The following CADM1 variants were observed in gnomAD, a reference collection of about 807,000 sequenced individuals.
CADM1 encodes cell adhesion molecule 1, also known as TSLC-1.
In CADM1, 15 loss-of-function variants were observed where a neutral mutation model predicts 53.1. The ratio of observed to expected loss-of-function variants is 0.28; its 90% CI spans 0.19 to 0.44. The LOEUF (loss-of-function observed/expected upper bound fraction) is 0.44, where lower values mean the gene tolerates loss of function less well. CADM1 is among the 20% of genes least tolerant of loss of function. The probability of loss-of-function intolerance (pLI) is 1.00; values close to 1 mark genes in which losing one functional copy is unlikely to be tolerated. For missense variants in CADM1, 434 were observed against 611.3 expected (o/e 0.71, Z 3.06); for synonymous variants, 281 against 243.0 (o/e 1.16, Z -1.45).
At chr11:115,326,385 T>C (rs1009135210) in intron 1 of CADM1, among the ~76,000 whole-genome samples, 5 of 152,168 alleles carry the variant, frequency 3.3e-5, no homozygotes, top group Admixed American at 6.6e-5. Context: ...ATGTGTGTCA[T>C]TCAGGGCTTT....
chr11:115,381,426 A>G (rs929280702), intron 1 of CADM1, among the ~76,000 whole-genome samples: 2 of 152,206 alleles, frequency 1.3e-5, no homozygotes, highest in Non-Finnish European at 2.9e-5. Context: ...AACAACAGGA[A>G]AGCAGACAGT....
At chr11:115,404,346 A>AAAAAAAAAAAATAT (rs1947251974) in intron 1 of CADM1, among the ~76,000 whole-genome samples, 2 of 33,780 alleles carry the variant, frequency 5.9e-5, no homozygotes, top group Non-Finnish European at 9.8e-5. Context: ...AAAAAAAAAA[A>AAAAAAAAAAAATAT]ATATATATAT....
chr11:115,209,492 G>C (rs543042714), intron 8 of CADM1, 82 bp downstream of exon 8: 7 of 1,592,312 alleles, frequency 4.4e-6, no homozygotes, highest in Non-Finnish European at 6.0e-6. Context: ...GGATTTAAAG[G>C]GAACTTTTCG....
intron 1 of CADM1, among the ~76,000 whole-genome samples, chr11:115,330,978 A>G (rs1436474840): frequency 6.6e-6 from 1 of 152,166 alleles, no homozygotes; most frequent in Admixed American, 6.5e-5. Context: ...GCAGGATTCC[A>G]TGACTAGTGG....
At chr11:115,441,739 T>A (rs1948317985) in intron 1 of CADM1, among the ~76,000 whole-genome samples, 2 of 152,174 alleles carry the variant, frequency 1.3e-5, no homozygotes, top group Non-Finnish European at 2.9e-5. Context: ...CCTTCCGTTA[T>A]TTTACAATTC....
At chr11:115,225,287 G>C (rs1941562316) in intron 5 of CADM1, among the ~76,000 whole-genome samples, 1 of 148,506 alleles carries the variant, frequency 6.7e-6, no homozygotes, top group Non-Finnish European at 1.5e-5. Flanking sequence ...GGCTGATTGT[G>C]GTGCCTTTCA....
At chr11:115,240,091 G>T (rs1271337465) in intron 2 of CADM1, among the ~76,000 whole-genome samples, 183 bp downstream of exon 2, 1 of 152,072 alleles carries the variant, frequency 6.6e-6, no homozygotes, top group Non-Finnish European at 1.5e-5. Flanking sequence ...TTTAAAAGGG[G>T]CCATTCAAGG....
intron 10 of CADM1, among the ~76,000 whole-genome samples, chr11:115,184,481 CAG>C (rs1393003151): frequency 6.6e-6 from 1 of 152,170 alleles, no homozygotes; most frequent in East Asian, 1.9e-4. Flanking sequence ...TCCCTCTTGT[CAG>C]AGAGTAGTAA....
intron 8 of CADM1, among the ~76,000 whole-genome samples, chr11:115,203,490 G>A (rs991920521): frequency 3.3e-5 from 5 of 152,054 alleles, no homozygotes; most frequent in African/African-American, 1.2e-4. Context: ...TGGGAGGGCT[G>A]GGTCCTTCCA....
At position 115,287,017 on chromosome 11, in the gene CADM1, A is replaced by G. The variant is rs73574197; in HGVS notation, c.125-46597T>C. ...AACAATTTCACAAAATCAATAAAAGAGAAGTAGTTTCTCCCGACCCCTTCT... is the reference window on the plus strand; with the variant it reads ...AACAATTTCACAAAATCAATAAAAGGGAAGTAGTTTCTCCCGACCCCTTCT... On this transcript the variant is annotated intron_variant, in intron 1 of 11. Transcript: ENST00000331581. 5.9e-3 allele frequency among the ~76,000 whole-genome samples: 894 copies of G among 152,334 alleles called. 9 individuals carry two copies. The highest frequency in any genetic ancestry group is 0.019 in the African/African-American group (780 of 41,562).
At chr11:115,346,797 T>C (rs1260662204) in intron 1 of CADM1, among the ~76,000 whole-genome samples, 1 of 152,180 alleles carries the variant, frequency 6.6e-6, no homozygotes, top group Non-Finnish European at 1.5e-5. Flanking sequence ...TAAGTTTTTG[T>C]TTTGTTGGTG....
intron 1 of CADM1, among the ~76,000 whole-genome samples, chr11:115,325,737 A>G (rs570569272): frequency 6.6e-6 from 1 of 152,280 alleles, no homozygotes; most frequent in South Asian, 2.1e-4. Context: ...ACTGGAGTCT[A>G]AATCACCAAG....
chr11:115,390,858 G>C (rs913214343), intron 1 of CADM1, among the ~76,000 whole-genome samples: 3 of 152,262 alleles, frequency 2.0e-5, no homozygotes, highest in African/African-American at 7.2e-5. Context: ...CTTGAACTAT[G>C]AATCTCATAA....
intron 1 of CADM1, among the ~76,000 whole-genome samples, chr11:115,333,833 C>G (rs1015373051): frequency 3.9e-5 from 6 of 152,058 alleles, no homozygotes; most frequent in Non-Finnish European, 7.4e-5. Flanking sequence ...GTCATTTCAT[C>G]AGAGTGCAGC....
intron 1 of CADM1, among the ~76,000 whole-genome samples, chr11:115,326,096 A>G (rs937149364): frequency 1.3e-5 from 2 of 152,174 alleles, no homozygotes; most frequent in African/African-American, 2.4e-5. Flanking sequence ...ACACAAAACT[A>G]CATTAAACTC....
Position 115,174,747 on chromosome 11 carries a change from T to G in CADM1, c.*1727A>C. 1.2e-6 allele frequency: 1 copy of G among 846,374 alleles called. No homozygotes were observed. Among genetic ancestry groups the G allele is most frequent in the Non-Finnish European group, 1.4e-6 (1 of 703,942 alleles). 52.4% of individuals were successfully genotyped at this position (846,374 alleles called of 1,614,324 possible). On this transcript the variant is annotated 3_prime_UTR_variant, in exon 12 of 12. Transcript: ENST00000331581. Reference sequence around the variant, plus strand: ...ACTGAAAATGTAATAGAATATATATTTATATATATATATAGATCTATCTTT... The same window carrying G: ...ACTGAAAATGTAATAGAATATATATGTATATATATATATAGATCTATCTTT...
At chr11:115,237,555 T>C (rs1565316667) in intron 3 of CADM1, among the ~76,000 whole-genome samples, 1 of 152,230 alleles carries the variant, frequency 6.6e-6, no homozygotes, top group East Asian at 1.9e-4. Context: ...ATATTTATCT[T>C]TCCTCTTTAA....
rs578031507 is a variant in CADM1 at position 115,371,986 on chromosome 11, C to T, written c.125-131566G>A. 4.6e-5 allele frequency among the ~76,000 whole-genome samples: 7 copies of T among 152,194 alleles called. No homozygotes were observed. In the South Asian group the frequency reaches 1.5e-3, roughly 32 times the overall value. ...TACCTTTTCATCTGATATCATCATA[C>T]CTAAAACCTTGGCAATGAGTTCATG... On this transcript the variant is annotated intron_variant, in intron 1 of 11. Coordinates refer to ENST00000331581, the MANE Select transcript of CADM1 (RefSeq NM_001301043.2).
At position 115,215,992 on chromosome 11, in the gene CADM1, A is replaced by G. The variant is rs568068722; in HGVS notation, c.822-1212T>C. 1.0e-3 allele frequency among the ~76,000 whole-genome samples: 154 copies of G among 152,294 alleles called. 2 individuals carry two copies. The highest frequency in any genetic ancestry group is 3.6e-3 in the African/African-American group (149 of 41,562). The stretch of plus-strand genomic sequence containing the variant: ...AATTACACATGGGTTTGTCATCACA[A>G]CCCAGTAAATTATTTAAAAATTAGT... On this transcript the variant is annotated intron_variant, in intron 6 of 11. Transcript: ENST00000331581.
Sources: gnomAD v4.1 joint callset for allele counts (sites outside exome capture counted in the v4.1 genomes callset) on GRCh38, gnomAD v4.1.1 for gene constraint, MANE v1.5 for transcripts, NCBI Gene and HGNC (gene_info 2026-07-23, HGNC 2026-07-21) for gene names.